The following NSMCE1 variants were observed in gnomAD, a reference collection of about 807,000 sequenced individuals.
NSMCE1 encodes the protein non-structural maintenance of chromosomes element 1 homolog.
NSMCE1 carries 18 observed loss-of-function variants against 29.6 expected under a neutral mutation model. The ratio of observed to expected loss-of-function variants is 0.61; its 90% CI spans 0.42 to 0.90. The LOEUF (loss-of-function observed/expected upper bound fraction) is 0.90. Ranked by LOEUF, NSMCE1 falls within the 40% of genes least tolerant of loss-of-function variation. NSMCE1 has a pLI of 0.00. For missense variants in NSMCE1, 314 were observed against 343.6 expected, an observed-to-expected ratio of 0.91 and a Z score of 0.68; for synonymous variants, 124 against 133.4, an observed-to-expected ratio of 0.93 and a Z score of 0.49.
At chr16:27,262,438 C>T (rs1295452800) in intron 1 of NSMCE1, among the ~76,000 whole-genome samples, 1 of 151,990 alleles carries the variant, frequency 6.6e-6, no homozygotes, top group African/African-American at 2.4e-5. Flanking sequence ...AAATTAAGGC[C>T]ATACACCTAT....
At chr16:27,264,616 T>C (rs1250194845) in intron 1 of NSMCE1, among the ~76,000 whole-genome samples, 1 of 152,188 alleles carries the variant, frequency 6.6e-6, no homozygotes, top group East Asian at 1.9e-4. Flanking sequence ...TACCTCATAC[T>C]ATATACAAAC....
In NSMCE1 at chr16:27,225,107, G is replaced by A; in HGVS notation, c.*50C>T. ...GGACGCCTTTCTTCCAAGAAGGGCT[G>A]TGGCGATCAGGCCACTCAAGGCAGC... On this transcript the variant is annotated 3_prime_UTR_variant, in exon 8 of 8. Transcript: ENST00000361439. 1 of 1,052,384 alleles carries A rather than the reference G, an allele frequency of 9.5e-7. No homozygotes were observed. The highest frequency in any genetic ancestry group is 1.5e-6 in the Non-Finnish European group (1 of 685,742). The allele number at this position is 1,052,384 out of a possible 1,614,324, so 65.2% of individuals were successfully genotyped here. A position where few individuals can be genotyped will look rare whatever the true frequency, so the allele number is the denominator to read the frequency against.
intron 1 of NSMCE1, among the ~76,000 whole-genome samples, chr16:27,262,221 G>C: frequency 6.9e-6 from 1 of 144,212 alleles, no homozygotes; most frequent in Non-Finnish European, 1.5e-5. Flanking sequence ...TCCAGCCTGA[G>C]CAACAGAGTG....
chr16:27,235,245 A>G lies in NSMCE1; in HGVS notation c.191T>C (p.Leu64Ser). The change falls in exon 3 of 8, where the codon TTG becomes TCG. Residue 64 changes from leucine to serine, a missense_variant. Leu to Ser is a moderately radical substitution (Grantham distance 145). Coordinates refer to ENST00000361439, the MANE Select transcript of NSMCE1 (RefSeq NM_145080.4). ...EDFINNINSVLESLYIEIKRG... is the reference protein window; with the variant it reads ...EDFINNINSVSESLYIEIKRG... ...CTTTATCTCAATATACAAGGACTCCAAGACACTGTTAATGTTGTTGATGAA... is the reference window on the plus strand; with the variant it reads ...CTTTATCTCAATATACAAGGACTCCGAGACACTGTTAATGTTGTTGATGAA... 6.2e-7 allele frequency: 1 copy of G among 1,613,716 alleles called. No homozygotes were observed. Among genetic ancestry groups the G allele is most frequent in the Non-Finnish European group, 8.5e-7 (1 of 1,179,716 alleles).
At chr16:27,235,132 T>C in intron 3 of NSMCE1, 46 bp downstream of exon 3, 1 of 1,599,576 alleles carries the variant, frequency 6.3e-7, no homozygotes, top group Non-Finnish European at 8.5e-7. Flanking sequence ...TGGGCCCTGT[T>C]CCAGCTCCTC....
intron 2 of NSMCE1, among the ~76,000 whole-genome samples, chr16:27,240,540 C>G (rs892384208): frequency 3.3e-5 from 5 of 152,172 alleles, no homozygotes; most frequent in African/African-American, 1.2e-4. Context: ...CGTGCAGGGA[C>G]AGCATGCAGG....
chr16:27,246,152 C>T (rs931843728), intron 2 of NSMCE1, among the ~76,000 whole-genome samples: 3 of 152,140 alleles, frequency 2.0e-5, no homozygotes, highest in Non-Finnish European at 2.9e-5. Context: ...CAAACCCCAA[C>T]GTGACCATGA....
intron 2 of NSMCE1, among the ~76,000 whole-genome samples, chr16:27,252,539 T>A (rs1174488118): frequency 1.3e-5 from 2 of 151,694 alleles, no homozygotes; most frequent in Non-Finnish European, 2.9e-5. Context: ...TCCCAACATT[T>A]TGGAAGGCTG....
intron 5 of NSMCE1, among the ~76,000 whole-genome samples, chr16:27,229,097 C>T (rs972038885): frequency 6.6e-6 from 1 of 152,222 alleles, no homozygotes; most frequent in Non-Finnish European, 1.5e-5. Flanking sequence ...CGCGTATCTC[C>T]CGGGCTGCCC....
chr16:27,234,559 C>CA (rs1324920771), intron 3 of NSMCE1, among the ~76,000 whole-genome samples: 7 of 152,108 alleles, frequency 4.6e-5, no homozygotes, highest in African/African-American at 1.4e-4. Flanking sequence ...GCTTCAAATG[C>CA]AAAAAAAGCA....
At position 27,225,101 on chromosome 16, in the gene NSMCE1, A is replaced by C; in HGVS notation, c.*56T>G. 1.0e-6 allele frequency: 1 copy of C among 971,244 alleles called. No homozygotes were observed. The highest frequency in any genetic ancestry group is 1.6e-6 in the Non-Finnish European group (1 of 615,908). 60.2% of individuals were successfully genotyped at this position (971,244 alleles called of 1,614,324 possible). A position where few individuals can be genotyped will look rare whatever the true frequency, so the allele number is the denominator to read the frequency against. On this transcript the variant is annotated 3_prime_UTR_variant, in exon 8 of 8. Transcript: ENST00000361439. ...AAACACGGACGCCTTTCTTCCAAGA[A>C]GGGCTGTGGCGATCAGGCCACTCAA... is the stretch of plus-strand genomic sequence containing the variant.
At chr16:27,235,735 A>G (rs2083815693) in intron 2 of NSMCE1, among the ~76,000 whole-genome samples, 1 of 152,162 alleles carries the variant, frequency 6.6e-6, no homozygotes, top group Non-Finnish European at 1.5e-5. Context: ...CTGTCCCTGT[A>G]TGTCCCCACA....
intron 1 of NSMCE1, among the ~76,000 whole-genome samples, chr16:27,261,969 G>A (rs1292287488): frequency 3.3e-5 from 5 of 152,202 alleles, no homozygotes; most frequent in Admixed American, 2.6e-4. Context: ...AGGGCCGAGC[G>A]CGGTGGCTCA....
rs55762579 is a variant in NSMCE1 at position 27,260,858 on chromosome 16, C to CAAAAAAAAAAAA, written c.-11-3289_-11-3278dup. Among the ~76,000 whole-genome samples, 106 of 87,934 alleles carry CAAAAAAAAAAAA rather than the reference C, an allele frequency of 1.2e-3. 1 individual carries two copies. Among genetic ancestry groups the CAAAAAAAAAAAA allele is most frequent in the African/African-American group, 3.8e-3 (90 of 23,852 alleles). 57.7% of individuals were successfully genotyped at this position (87,934 alleles called of 152,430 possible). A position where few individuals can be genotyped will look rare whatever the true frequency, so the allele number is the denominator to read the frequency against. On this transcript the variant is annotated intron_variant, in intron 1 of 7. Transcript: ENST00000361439. ...TGGGCAACAGAGTGAGACCCTGTCT[C>CAAAAAAAAAAAA]AAAAAAAAAAAAAAAAAGGTTGCGG...
At chr16:27,235,137 C>T in intron 3 of NSMCE1, 41 bp downstream of exon 3, 1 of 1,600,610 alleles carries the variant, frequency 6.2e-7, no homozygotes, top group Non-Finnish European at 8.5e-7. Flanking sequence ...CCTGTTCCAG[C>T]TCCTCAAAAA....
chr16:27,226,739 C>G lies in NSMCE1; in HGVS notation c.581G>C (p.Cys194Ser). Residue 194 changes from cysteine (C) to serine (S), a missense_variant, in exon 6 of 8, where the codon TGT (cysteine) becomes TCT (serine). Physicochemically the swap from Cys to Ser is moderately radical, Grantham distance 112. Transcript: ENST00000361439. ...YPDAVKICNI[C>S]HSLLIQGQSC... Reference sequence around the variant, plus strand: ...GGGTACCTGGATGAGGAGGCTGTGACAGATATTGCAGATCTTCACCGCGTC... The same window carrying G: ...GGGTACCTGGATGAGGAGGCTGTGAGAGATATTGCAGATCTTCACCGCGTC... The G allele has an allele frequency of 6.2e-7, 1 of 1,612,082 alleles. No homozygotes were observed. Among genetic ancestry groups the G allele is most frequent in the South Asian group, 1.1e-5 (1 of 91,042 alleles).
intron 1 of NSMCE1, among the ~76,000 whole-genome samples, chr16:27,267,798 G>C (rs532450637): frequency 9.9e-5 from 15 of 151,330 alleles, no homozygotes; most frequent in African/African-American, 3.7e-4. Context: ...GCACGATCTT[G>C]ATTCACTGCA....
In NSMCE1 at chr16:27,230,317, A is replaced by G. The variant is rs1469365400; in HGVS notation, c.483+2684T>C. On this transcript the variant is annotated intron_variant, in intron 5 of 7. Coordinates refer to ENST00000361439, the MANE Select transcript of NSMCE1 (RefSeq NM_145080.4). ...GGGCCTTGTCAGTGGGCCCCTGGCTATTTCTGTGGGAAGCCCTGTGTCTGA... is the reference window on the plus strand; with the variant it reads ...GGGCCTTGTCAGTGGGCCCCTGGCTGTTTCTGTGGGAAGCCCTGTGTCTGA... 2.0e-5 allele frequency among the ~76,000 whole-genome samples: 3 copies of G among 152,092 alleles called. No individual in the cohort carries two copies. The East Asian group carries it at 5.8e-4, about 29-fold the overall frequency.
intron 5 of NSMCE1, among the ~76,000 whole-genome samples, chr16:27,229,672 G>A (rs1015460435): frequency 1.3e-5 from 2 of 152,176 alleles, no homozygotes; most frequent in African/African-American, 2.4e-5. Context: ...TGCTTCCAGG[G>A]TTCAAGCGAT....
Sources: allele counts gnomAD v4.1 joint callset (sites outside exome capture counted in the v4.1 genomes callset), GRCh38; gene constraint gnomAD v4.1.1; transcripts MANE v1.5; gene names NCBI Gene and HGNC (gene_info 2026-07-23, HGNC 2026-07-21).